IL19: variants seen among roughly 807,000 people sequenced by gnomAD.
The protein encoded by IL19 is interleukin-19.
In IL19, 15 loss-of-function variants were observed where a neutral mutation model predicts 19.5. That is an observed-to-expected ratio of 0.77 (90% CI 0.52 to 1.19). IL19 has a LOEUF of 1.19. Among genes scored for constraint, IL19 ranks in the 50% most tolerant of loss-of-function variants. IL19 has a pLI of 0.00. For missense variants in IL19, 199 were observed against 213.1 expected (o/e 0.93, Z 0.41); for synonymous variants, 78 against 78.3 (o/e 1.00, Z 0.02).
chr1:206,781,520 T>C (rs191943855), intron 1 of IL19, among the ~76,000 whole-genome samples: 1 of 151,702 alleles, frequency 6.6e-6, no homozygotes, highest in African/African-American at 2.4e-5. Flanking sequence ...TTCTGGTCCT[T>C]ACCTCTAAAA....
At chr1:206,795,923 A>ATGTGTGTGTGTG (rs1435078549) in intron 1 of IL19, among the ~76,000 whole-genome samples, 1 of 109,080 alleles carries the variant, frequency 9.2e-6, no homozygotes, top group African/African-American at 3.6e-5. Context: ...ATATAAATAT[A>ATGTGTGTGTGTG]TATATGTGTG....
chr1:206,803,149 T>C (rs1367892195), intron 2 of IL19, among the ~76,000 whole-genome samples: 3 of 151,868 alleles, frequency 2.0e-5, no homozygotes, highest in African/African-American at 4.8e-5. Context: ...CTTGAGAGTC[T>C]GCCTTTTAAA....
chr1:206,810,445 C>T (rs900796269), intron 2 of IL19, among the ~76,000 whole-genome samples: 10 of 152,214 alleles, frequency 6.6e-5, no homozygotes, highest in Non-Finnish European at 1.3e-4. Flanking sequence ...GAAATCTCTA[C>T]ATCTACCAGC....
At chr1:206,837,357 G>A (rs943761484) in intron 4 of IL19, among the ~76,000 whole-genome samples, 4 of 152,122 alleles carry the variant, frequency 2.6e-5, no homozygotes, top group Admixed American at 1.3e-4. Flanking sequence ...CGAGGAGGTT[G>A]TAGATCAGTG....
At chr1:206,785,217 GCAGGTAGACTT>G (rs371129911) in intron 1 of IL19, among the ~76,000 whole-genome samples, 1 of 152,214 alleles carries the variant, frequency 6.6e-6, no homozygotes, top group Non-Finnish European at 1.5e-5. Context: ...GAGGGTCCAT[GCAGGTAGACTT>G]CAGGTAGACT....
At chr1:206,805,504 T>C (rs751041859) in intron 2 of IL19, among the ~76,000 whole-genome samples, 4 of 152,306 alleles carry the variant, frequency 2.6e-5, no homozygotes, top group Admixed American at 6.5e-5. Flanking sequence ...ACAATCCAAA[T>C]GGAAGAAATA....
At chr1:206,808,905 G>T (rs867846579) in intron 2 of IL19, among the ~76,000 whole-genome samples, 3 of 152,168 alleles carry the variant, frequency 2.0e-5, no homozygotes, top group Non-Finnish European at 4.4e-5. Flanking sequence ...GGAAAGGACA[G>T]CCTGGGTGGG....
Position 206,773,586 on chromosome 1 carries a change from T to TTGTGTGTGTGTG in IL19, c.-149+2542_-149+2553dup, listed in dbSNP as rs2234662. ...AAGCCTTAGTAGTGTTGTCTTGGAT[T>TTGTGTGTGTGTG]TGTGTGTGTGTGTGTGTGTGTGTGT... is the stretch of plus-strand genomic sequence containing the variant. On this transcript the variant is annotated intron_variant, in intron 1 of 6. Coordinates refer to ENST00000659997, the MANE Select transcript of IL19 (RefSeq NM_153758.5). Among the ~76,000 whole-genome samples, 299 of 131,862 alleles carry TTGTGTGTGTGTG rather than the reference T, an allele frequency of 2.3e-3. 3 individuals carry two copies. The highest frequency in any genetic ancestry group is 0.013 in the East Asian group (59 of 4,506). 86.5% of individuals were successfully genotyped at this position (131,862 alleles called of 152,430 possible).
At chr1:206,775,811 C>T (rs1242279331) in intron 1 of IL19, among the ~76,000 whole-genome samples, 1 of 152,024 alleles carries the variant, frequency 6.6e-6, no homozygotes, top group African/African-American at 2.4e-5. Context: ...AGGCAAGAGC[C>T]CATGAAGAGA....
At chr1:206,784,273 G>T (rs1194365526) in intron 1 of IL19, among the ~76,000 whole-genome samples, 1 of 152,094 alleles carries the variant, frequency 6.6e-6, no homozygotes, top group African/African-American at 2.4e-5. Flanking sequence ...CAAAGCTAAT[G>T]CCCTTAAATT....
intron 1 of IL19, among the ~76,000 whole-genome samples, chr1:206,775,112 C>T (rs1189292294): frequency 6.6e-6 from 1 of 151,880 alleles, no homozygotes; most frequent in African/African-American, 2.4e-5. Flanking sequence ...ATGATCTCAG[C>T]TCACTGCAAG....
rs753066499 is a variant in IL19, at chr1:206,770,884, G to GA, written c.-337dup. 54 of 1,612,912 alleles carry GA rather than the reference G, an allele frequency of 3.3e-5. No homozygotes were observed. The highest frequency in any genetic ancestry group is 4.5e-5 in the Non-Finnish European group (53 of 1,179,012). On this transcript the variant is annotated 5_prime_UTR_variant, in exon 1 of 7. It removes the in-frame stop codon of an upstream open reading frame in the 5' UTR. Coordinates refer to ENST00000659997, the MANE Select transcript of IL19 (RefSeq NM_153758.5). ...TGGTATTTTGGGGGCAGCTGCAAGG[G>GA]AAAAAACTGATCTGCTACTTACACA...
intron 2 of IL19, among the ~76,000 whole-genome samples, chr1:206,818,759 T>C (rs528589631): frequency 6.6e-6 from 1 of 152,144 alleles, no homozygotes; most frequent in African/African-American, 2.4e-5. Flanking sequence ...CTCCAGATCT[T>C]ACTTAGGTTT....
At chr1:206,797,662 T>C (rs1353148219) in intron 1 of IL19, among the ~76,000 whole-genome samples, 1 of 152,202 alleles carries the variant, frequency 6.6e-6, no homozygotes, top group Non-Finnish European at 1.5e-5. Flanking sequence ...TGCTGCCTCC[T>C]CCAGACCTAC....
chr1:206,816,193 A>T (rs2102471046), intron 2 of IL19, among the ~76,000 whole-genome samples: 1 of 152,342 alleles, frequency 6.6e-6, no homozygotes, highest in South Asian at 2.1e-4. Context: ...TTAGGCAGGA[A>T]GAAAATGATA....
chr1:206,801,483 C>CCAG (rs1675707778), intron 2 of IL19, among the ~76,000 whole-genome samples: 1 of 152,250 alleles, frequency 6.6e-6, no homozygotes, highest in Non-Finnish European at 1.5e-5. Context: ...TGGTCAGCCT[C>CCAG]CAGCACTGTT....
intron 1 of IL19, among the ~76,000 whole-genome samples, chr1:206,774,266 C>A (rs1452826992): frequency 1.3e-5 from 2 of 152,162 alleles, no homozygotes; most frequent in Admixed American, 1.3e-4. Flanking sequence ...AATGTAGAAA[C>A]CTAAGAATCA....
chr1:206,811,438 C>T (rs1022976273), intron 2 of IL19, among the ~76,000 whole-genome samples: 13 of 116,750 alleles, frequency 1.1e-4, no homozygotes, highest in Admixed American at 6.0e-4. Flanking sequence ...AGCAAGACTC[C>T]GTCTCAAAAA....
At chr1:206,795,927 A>ATGTGTGTGTGTG (rs71570039) in intron 1 of IL19, among the ~76,000 whole-genome samples, 29 of 133,628 alleles carry the variant, frequency 2.2e-4, no homozygotes, top group African/African-American at 4.6e-4. Flanking sequence ...AAATATATAT[A>ATGTGTGTGTGTG]TGTGTGTGTG....
Sources: gnomAD v4.1 joint callset for allele counts (sites outside exome capture counted in the v4.1 genomes callset) on GRCh38, gnomAD v4.1.1 for gene constraint, MANE v1.5 for transcripts, NCBI Gene and HGNC (gene_info 2026-07-23, HGNC 2026-07-21) for gene names.